The following RBFOX1 variants were observed in gnomAD, a reference collection of about 807,000 sequenced individuals.
The protein encoded by RBFOX1 is RNA binding fox-1 homolog 1.
A neutral mutation model predicts 57.7 loss-of-function variants in RBFOX1; 8 were observed. That is an observed-to-expected ratio of 0.14 (90% CI 0.08 to 0.25). The LOEUF is 0.25. RBFOX1 is among the 10% of genes least tolerant of loss of function. The pLI is 1.00. For missense variants in RBFOX1, 611 were observed against 548.5 expected (o/e 1.11, Z -1.14); for synonymous variants, 326 against 222.4 (o/e 1.47, Z -4.15).
chr16:6,597,293 C>A (rs1482032277), intron 2 of RBFOX1, among the ~76,000 whole-genome samples: 1 of 152,120 alleles, frequency 6.6e-6, no homozygotes, highest in Middle Eastern at 3.2e-3. Context: ...GTTTTATACC[C>A]TAAAGCCATC....
chr16:7,695,893 TAA>T (rs2078659000), intron 14 of RBFOX1, among the ~76,000 whole-genome samples: 1 of 152,238 alleles, frequency 6.6e-6, no homozygotes, highest in Middle Eastern at 3.4e-3. Context: ...GAAATTCTTA[TAA>T]AGAGGTGCTA....
chr16:6,128,592 G>T (rs966810745), intron 1 of RBFOX1, among the ~76,000 whole-genome samples: 9 of 152,316 alleles, frequency 5.9e-5, no homozygotes, highest in African/African-American at 2.2e-4. Flanking sequence ...TTGAAGAGTA[G>T]AGTTCTGGGA....
intron 9 of RBFOX1, among the ~76,000 whole-genome samples, chr16:7,601,520 G>T (rs948111433): frequency 2.8e-4 from 43 of 152,122 alleles, no homozygotes; most frequent in Non-Finnish European, 1.2e-4. Flanking sequence ...GGGCTGAACA[G>T]GTAAAATCAG....
At chr16:7,037,466 C>G (rs573721845) in intron 3 of RBFOX1, among the ~76,000 whole-genome samples, 4 of 152,152 alleles carry the variant, frequency 2.6e-5, no homozygotes, top group African/African-American at 7.2e-5. Context: ...TCATAAACCT[C>G]TGACAATTGT....
intron 2 of RBFOX1, among the ~76,000 whole-genome samples, chr16:6,473,629 C>T (rs1465045726): frequency 2.0e-5 from 3 of 151,744 alleles, no homozygotes. Context: ...TAAAAATAAA[C>T]AGAGGCTATT....
At chr16:6,303,468 C>G (rs1002685809) in intron 1 of RBFOX1, among the ~76,000 whole-genome samples, 1 of 151,950 alleles carries the variant, frequency 6.6e-6, no homozygotes. Context: ...AGTTATGAAG[C>G]TCAAAAATAA....
chr16:6,852,894 C>A (rs1265166978), intron 3 of RBFOX1, among the ~76,000 whole-genome samples: 1 of 151,980 alleles, frequency 6.6e-6, no homozygotes, highest in Admixed American at 6.6e-5. Context: ...ACTAGCTGTC[C>A]ACACAAGGTG....
chr16:5,677,428 T>C (rs550047327), intron 3 of RBFOX1, among the ~76,000 whole-genome samples: 1 of 152,186 alleles, frequency 6.6e-6, no homozygotes, highest in Non-Finnish European at 1.5e-5. Context: ...GGTCCCTGTT[T>C]ACAGTAGATA....
chr16:5,519,275 C>G (rs1283884633), intron 2 of RBFOX1, among the ~76,000 whole-genome samples: 2 of 152,222 alleles, frequency 1.3e-5, no homozygotes, highest in African/African-American at 4.8e-5. Context: ...AATATCTGGG[C>G]TCCCATGCTA....
intron 2 of RBFOX1, among the ~76,000 whole-genome samples, chr16:5,564,102 C>T (rs923272903): frequency 1.3e-5 from 2 of 152,006 alleles, no homozygotes; most frequent in African/African-American, 4.8e-5. Context: ...CAACCTCCAC[C>T]TCCCAGGTTC....
chr16:6,929,124 C>G (rs1166219831), intron 3 of RBFOX1, among the ~76,000 whole-genome samples: 1 of 152,134 alleles, frequency 6.6e-6, no homozygotes, highest in Non-Finnish European at 1.5e-5. Flanking sequence ...TGCAACTCTT[C>G]AATACTTTAT....
chr16:7,313,289 C>T (rs966002222), intron 4 of RBFOX1, among the ~76,000 whole-genome samples: 2 of 152,018 alleles, frequency 1.3e-5, no homozygotes, highest in Non-Finnish European at 2.9e-5. Flanking sequence ...CTTCCTTTTC[C>T]CCCTAAGGGT....
intron 14 of RBFOX1, among the ~76,000 whole-genome samples, chr16:7,697,192 G>T (rs1311807093): frequency 1.3e-5 from 2 of 152,152 alleles, no homozygotes; most frequent in East Asian, 1.9e-4. Flanking sequence ...TCCAGAGAGG[G>T]GTGACAATGG....
intron 3 of RBFOX1, among the ~76,000 whole-genome samples, chr16:5,834,819 TAGACAGAC>T (rs71142652): frequency 3.0e-5 from 4 of 134,356 alleles, no homozygotes; most frequent in Admixed American, 1.4e-4. Flanking sequence ...GATAGATAGA[TAGACAGAC>T]AGACAGACAG....
At chr16:6,501,212 C>T (rs182397342) in intron 2 of RBFOX1, among the ~76,000 whole-genome samples, 1 of 143,798 alleles carries the variant, frequency 7.0e-6, no homozygotes, top group African/African-American at 2.6e-5. Context: ...CATATGTATA[C>T]ATGTGCCATG....
At chr16:7,151,916 C>G (rs915481766) in intron 4 of RBFOX1, among the ~76,000 whole-genome samples, 4 of 152,128 alleles carry the variant, frequency 2.6e-5, no homozygotes, top group Non-Finnish European at 5.9e-5. Context: ...GTAATGTGAG[C>G]TATGGGGAAT....
intron 4 of RBFOX1, among the ~76,000 whole-genome samples, chr16:7,439,137 T>C (rs1396344923): frequency 6.6e-6 from 1 of 152,186 alleles, no homozygotes; most frequent in East Asian, 1.9e-4. Context: ...GCCCTTGTCC[T>C]TCTGCTTAAG....
chr16:7,331,970 G>T (rs1246106083), intron 4 of RBFOX1, among the ~76,000 whole-genome samples: 1 of 152,120 alleles, frequency 6.6e-6, no homozygotes. Flanking sequence ...GTGCTTGTTA[G>T]CTATGCCTTG....
At chr16:6,278,919 A>G (rs968345060) in intron 1 of RBFOX1, among the ~76,000 whole-genome samples, 4 of 152,176 alleles carry the variant, frequency 2.6e-5, no homozygotes, top group Admixed American at 2.6e-4. Context: ...AATCACCAAG[A>G]AGGTTGAGAT....
Sources: gnomAD v4.1 joint callset for allele counts (sites outside exome capture counted in the v4.1 genomes callset) on GRCh38, gnomAD v4.1.1 for gene constraint, MANE v1.5 for transcripts, NCBI Gene and HGNC (gene_info 2026-07-23, HGNC 2026-07-21) for gene names.